NRG3: variants seen among roughly 807,000 people sequenced by gnomAD.
The protein encoded by NRG3 is neuregulin 3.
A neutral mutation model predicts 66.9 loss-of-function variants in NRG3; 31 were observed. The ratio of observed to expected loss-of-function variants is 0.46; its 90% confidence interval spans 0.35 to 0.63. The LOEUF is 0.63. Ranked by LOEUF, NRG3 falls within the 20% of genes least tolerant of loss-of-function variation. The pLI, the probability that NRG3 is intolerant of heterozygous loss-of-function variation, is 0.00. For missense variants in NRG3, 910 were observed against 878.9 expected (o/e 1.04, Z -0.45); for synonymous variants, 393 against 359.4 (o/e 1.09, Z -1.06).
chr10:82,420,926 C>T (rs1440658272), intron 2 of NRG3, among the ~76,000 whole-genome samples: 1 of 152,074 alleles, frequency 6.6e-6, no homozygotes, highest in Non-Finnish European at 1.5e-5. Context: ...CCATTTATGA[C>T]ATTCTGAAAA....
At chr10:82,792,878 C>T (rs1180350869) in intron 3 of NRG3, among the ~76,000 whole-genome samples, 2 of 151,920 alleles carry the variant, frequency 1.3e-5, no homozygotes, top group Non-Finnish European at 2.9e-5. Flanking sequence ...GATGGGGTTT[C>T]TCCATGTTGT....
chr10:82,809,804 G>C (rs1313604574), intron 3 of NRG3, among the ~76,000 whole-genome samples: 15 of 151,718 alleles, frequency 9.9e-5, no homozygotes, highest in Non-Finnish European at 1.8e-4. Context: ...AGTTTTCCAG[G>C]TTTTTTTCAG....
At chr10:81,954,751 T>TA (rs1223328609) in intron 1 of NRG3, among the ~76,000 whole-genome samples, 1 of 152,094 alleles carries the variant, frequency 6.6e-6, no homozygotes, top group African/African-American at 2.4e-5. Flanking sequence ...GACAGGTTGT[T>TA]AAAAATCAAC....
intron 3 of NRG3, among the ~76,000 whole-genome samples, chr10:82,862,773 G>T (rs1164176127): frequency 6.6e-6 from 1 of 152,216 alleles, no homozygotes; most frequent in Non-Finnish European, 1.5e-5. Context: ...GTGCAGAGAA[G>T]TCAACGACCT....
At chr10:82,136,719 C>T (rs1180604968) in intron 1 of NRG3, among the ~76,000 whole-genome samples, 1 of 152,124 alleles carries the variant, frequency 6.6e-6, no homozygotes, top group Non-Finnish European at 1.5e-5. Context: ...CCCAAGGGCT[C>T]TTTATTCAGC....
chr10:81,906,310 G>A (rs1218146611), intron 1 of NRG3, among the ~76,000 whole-genome samples: 1 of 152,144 alleles, frequency 6.6e-6, no homozygotes, highest in Non-Finnish European at 1.5e-5. Context: ...GCAGCCAAAT[G>A]TTCGTTTCCC....
intron 2 of NRG3, among the ~76,000 whole-genome samples, chr10:82,474,099 C>T (rs894609299): frequency 3.3e-5 from 5 of 151,968 alleles, no homozygotes; most frequent in South Asian, 2.1e-4. Context: ...TATGTCATAC[C>T]GATGAGTGAA....
At chr10:82,174,480 T>C (rs1238116374) in intron 1 of NRG3, among the ~76,000 whole-genome samples, 1 of 152,128 alleles carries the variant, frequency 6.6e-6, no homozygotes, top group African/African-American at 2.4e-5. Flanking sequence ...GGCCCTTCGC[T>C]CTGACAATTA....
At chr10:82,598,266 C>G (rs1015523547) in intron 2 of NRG3, among the ~76,000 whole-genome samples, 22 of 152,148 alleles carry the variant, frequency 1.4e-4, no homozygotes, top group Non-Finnish European at 2.9e-5. Flanking sequence ...CATTTCTCCT[C>G]AGAGAATATA....
intron 2 of NRG3, among the ~76,000 whole-genome samples, chr10:82,588,159 TC>T (rs2046781020): frequency 6.6e-6 from 1 of 152,122 alleles, no homozygotes; most frequent in Admixed American, 6.6e-5. Context: ...TCCATCCTTT[TC>T]CCAGCTGATA....
chr10:82,087,497 T>C (rs1281040224), intron 1 of NRG3, among the ~76,000 whole-genome samples: 1 of 152,100 alleles, frequency 6.6e-6, no homozygotes, highest in Non-Finnish European at 1.5e-5. Flanking sequence ...TTGTAAACTC[T>C]ATTTTATAGT....
chr10:82,617,320 A>G (rs1240712705), intron 2 of NRG3, among the ~76,000 whole-genome samples: 1 of 150,064 alleles, frequency 6.7e-6, no homozygotes, highest in Non-Finnish European at 1.5e-5. Flanking sequence ...ACACGCACAC[A>G]TAGACACACA....
intron 1 of NRG3, among the ~76,000 whole-genome samples, chr10:81,918,746 G>A (rs1845938448): frequency 6.6e-6 from 1 of 150,818 alleles, no homozygotes; most frequent in Non-Finnish European, 1.5e-5. Flanking sequence ...ATGAAATGCT[G>A]TTAATTTTTT....
chr10:82,032,199 C>T (rs1428525247), intron 1 of NRG3, among the ~76,000 whole-genome samples: 1 of 150,428 alleles, frequency 6.6e-6, no homozygotes, highest in African/African-American at 2.5e-5. Flanking sequence ...TGTTACTCTT[C>T]TGTTGATGGA....
At chr10:82,353,278 C>G (rs915824267) in intron 1 of NRG3, among the ~76,000 whole-genome samples, 1 of 152,150 alleles carries the variant, frequency 6.6e-6, no homozygotes, top group African/African-American at 2.4e-5. Context: ...AACATAGAAA[C>G]CTCCGTAAGT....
chr10:82,345,721 GTATCCTCTTT>G (rs2082972633), intron 1 of NRG3, among the ~76,000 whole-genome samples: 1 of 151,728 alleles, frequency 6.6e-6, no homozygotes, highest in Non-Finnish European at 1.5e-5. Context: ...CCATTTCTTT[GTATCCTCTTT>G]TATTTCCTTG....
At chr10:82,092,878 G>T (rs1300522238) in intron 1 of NRG3, among the ~76,000 whole-genome samples, 1 of 152,158 alleles carries the variant, frequency 6.6e-6, no homozygotes, top group African/African-American at 2.4e-5. Context: ...GCTTGGTGCT[G>T]TTGCTGCCAT....
chr10:82,462,692 A>G (rs74383280), intron 2 of NRG3, among the ~76,000 whole-genome samples: 1 of 152,034 alleles, frequency 6.6e-6, no homozygotes, highest in East Asian at 1.9e-4. Flanking sequence ...TGATCCCAAG[A>G]TTGGGGGTGA....
rs528367911 is a variant in NRG3 at position 82,264,147 on chromosome 10, A to C, written c.824-94592A>C. Among the ~76,000 whole-genome samples, 18 of 152,288 alleles carry C rather than the reference A, an allele frequency of 1.2e-4. No individual in the cohort carries two copies. In the East Asian group the frequency reaches 3.5e-3, roughly 29 times the overall value. ...TAGGGGCTGGAGTTAAAAAACGTAG[A>C]GCCTTTGTATTAGTTCGTTCTCACA... On this transcript the variant is annotated intron_variant, in intron 1 of 8. Coordinates refer to ENST00000372141, the MANE Select transcript of NRG3 (RefSeq NM_001010848.4).
Sources: allele counts gnomAD v4.1 joint callset (sites outside exome capture counted in the v4.1 genomes callset), GRCh38; gene constraint gnomAD v4.1.1; transcripts MANE v1.5; gene names NCBI Gene and HGNC (gene_info 2026-07-23, HGNC 2026-07-21).